The following XKR9 variants were observed in gnomAD, a reference collection of about 807,000 sequenced individuals.
The protein encoded by XKR9 is XK-related protein 9.
In XKR9, 32 loss-of-function variants were observed where a neutral mutation model predicts 32.0. That is an observed-to-expected ratio of 1.00 (90% CI 0.76 to 1.34). XKR9 has a LOEUF of 1.34. Ranked by LOEUF, XKR9 falls within the 40% of genes most tolerant of loss-of-function variation. XKR9 has a pLI of 0.00. For synonymous variants in XKR9, 168 were observed against 143.4 expected, an observed-to-expected ratio of 1.17 and a Z score of -1.22; for missense variants, 546 against 429.7, an observed-to-expected ratio of 1.27 and a Z score of -2.39.
chr8:70,854,621 G>C, the XKR9 span, among the ~76,000 whole-genome samples: 51 of 152,206 alleles, frequency 3.4e-4, no homozygotes, highest in African/African-American at 1.2e-3. Flanking sequence ...GAATGGTATT[G>C]CCCAGGTTTT....
At chr8:70,785,877 G>A (rs1270232029) in intron 2 of XKR9, among the ~76,000 whole-genome samples, 1 of 151,424 alleles carries the variant, frequency 6.6e-6, no homozygotes, top group Non-Finnish European at 1.5e-5. Context: ...AGGCTGGGCT[G>A]TAGTGGCATG....
the XKR9 span, among the ~76,000 whole-genome samples, chr8:70,852,282 A>AT: frequency 6.6e-6 from 1 of 152,150 alleles, no homozygotes; most frequent in East Asian, 1.9e-4. Context: ...GTCAGGAAAC[A>AT]ACAGCTGCTG....
the XKR9 span, among the ~76,000 whole-genome samples, chr8:70,818,755 TG>T: frequency 6.6e-6 from 1 of 152,210 alleles, no homozygotes; most frequent in Non-Finnish European, 1.5e-5. Context: ...TCTTAGAGAC[TG>T]TGCCATTTTT....
At chr8:70,823,125 AGAT>A in the XKR9 span, among the ~76,000 whole-genome samples, 1 of 152,200 alleles carries the variant, frequency 6.6e-6, no homozygotes, top group Non-Finnish European at 1.5e-5. Context: ...ATACATGAAG[AGAT>A]GATATCTTTT....
intron 4 of XKR9, among the ~76,000 whole-genome samples, chr8:70,732,660 GT>G (rs746304635): frequency 6.6e-5 from 10 of 152,242 alleles, no homozygotes; most frequent in East Asian, 1.9e-4. Context: ...GGAGACTGGA[GT>G]TTTTTTTATT....
chr8:71,037,582 A>G, the XKR9 span, among the ~76,000 whole-genome samples: 5,701 of 152,260 alleles, frequency 0.037, 366 homozygotes, highest in African/African-American at 0.13. Flanking sequence ...CCAAGTTAAC[A>G]ATAAAAACTT....
At chr8:70,899,171 T>A in the XKR9 span, among the ~76,000 whole-genome samples, 3 of 152,128 alleles carry the variant, frequency 2.0e-5, no homozygotes, top group Non-Finnish European at 4.4e-5. Context: ...ATTAAAAAAA[T>A]TTGTCTTCGG....
At chr8:70,870,049 C>T in the XKR9 span, among the ~76,000 whole-genome samples, 127 of 152,154 alleles carry the variant, frequency 8.3e-4, 1 homozygote, top group Non-Finnish European at 1.5e-3. Context: ...TTTTTAGTTG[C>T]CTTCAGTTAT....
chr8:70,804,781 TTTTTTGTTATCA>T, the XKR9 span, among the ~76,000 whole-genome samples: 1 of 152,230 alleles, frequency 6.6e-6, no homozygotes, highest in Non-Finnish European at 1.5e-5. Context: ...TGAATATAAA[TTTTTTGTTATCA>T]TTTTTGTCTT....
chr8:70,998,293 T>C, the XKR9 span, among the ~76,000 whole-genome samples: 1 of 152,206 alleles, frequency 6.6e-6, no homozygotes, highest in African/African-American at 2.4e-5. Flanking sequence ...CATGTCTCAA[T>C]TAAGGGACTC....
At chr8:70,955,045 A>G in the XKR9 span, among the ~76,000 whole-genome samples, 1 of 152,250 alleles carries the variant, frequency 6.6e-6, no homozygotes, top group African/African-American at 2.4e-5. Context: ...TTATTCCACG[A>G]GAGCTTTGTC....
At chr8:70,754,130 C>G (rs1807183008) in intron 2 of XKR9, among the ~76,000 whole-genome samples, 1 of 147,338 alleles carries the variant, frequency 6.8e-6, no homozygotes, top group Admixed American at 7.6e-5. Flanking sequence ...AACAGACAAA[C>G]AGAGAGCCAA....
the XKR9 span, among the ~76,000 whole-genome samples, chr8:70,920,398 A>G: frequency 1.3e-5 from 2 of 152,216 alleles, no homozygotes; most frequent in African/African-American, 4.8e-5. Flanking sequence ...ACAATAAAAT[A>G]TGTTCCTATT....
rs1563477157 is a variant in XKR9, at chr8:70,776,923, T to TCTCTCTCTCTCTCTCTCTCTCTC, written n.353-12416_353-12415insCTCTCTCTCTCTCTCTCTCTCTC. On this transcript the variant is annotated intron_variant and non_coding_transcript_variant, in intron 2 of 3. Coordinates refer to the XKR9 transcript ENST00000520273. ...TGCATTTAGCAGGTTTTCTCTTTCT[T>TCTCTCTCTCTCTCTCTCTCTCTC]TCTCTCTCTCTCTCTCTCTCTCTCT... is the stretch of plus-strand genomic sequence containing the variant. 7.0e-4 allele frequency among the ~76,000 whole-genome samples: 42 copies of TCTCTCTCTCTCTCTCTCTCTCTC among 59,600 alleles called. 7 individuals are homozygous for TCTCTCTCTCTCTCTCTCTCTCTC. The highest frequency in any genetic ancestry group is 1.2e-3 in the Non-Finnish European group (37 of 31,100). 39.1% of individuals were successfully genotyped at this position (59,600 alleles called of 152,430 possible). A position where few individuals can be genotyped will look rare whatever the true frequency, so the allele number is the denominator to read the frequency against.
intron 4 of XKR9, among the ~76,000 whole-genome samples, chr8:70,721,347 T>C (rs1307585041): frequency 6.6e-6 from 1 of 152,178 alleles, no homozygotes; most frequent in African/African-American, 2.4e-5. Context: ...CTGCTAGCTT[T>C]TGAATTTGTT....
At chr8:70,691,689 G>C (rs1586819384) in intron 3 of XKR9, among the ~76,000 whole-genome samples, 1 of 151,998 alleles carries the variant, frequency 6.6e-6, no homozygotes, top group East Asian at 1.9e-4. Context: ...CCCATTGCTT[G>C]TTTTTGTCAG....
At chr8:70,959,272 C>G in the XKR9 span, among the ~76,000 whole-genome samples, 502 of 152,278 alleles carry the variant, frequency 3.3e-3, 1 homozygote, top group Non-Finnish European at 5.2e-3. Context: ...CACATTCCCA[C>G]ATATAGGCAT....
At chr8:70,972,025 A>T in the XKR9 span, among the ~76,000 whole-genome samples, 1 of 152,002 alleles carries the variant, frequency 6.6e-6, no homozygotes, top group Non-Finnish European at 1.5e-5. Flanking sequence ...TGGGTATTGC[A>T]TTGAATTTGT....
chr8:70,879,733 A>G, the XKR9 span, among the ~76,000 whole-genome samples: 1 of 150,910 alleles, frequency 6.6e-6, no homozygotes, highest in Non-Finnish European at 1.5e-5. Context: ...CCAGAGGTGC[A>G]AAGAGGATCT....
Sources: gnomAD v4.1 joint callset for allele counts (sites outside exome capture counted in the v4.1 genomes callset) on GRCh38, gnomAD v4.1.1 for gene constraint, MANE v1.5 for transcripts, NCBI Gene and HGNC (gene_info 2026-07-23, HGNC 2026-07-21) for gene names.